The following KAZN variants were observed in gnomAD, a reference collection of about 807,000 sequenced individuals.
KAZN encodes the protein kazrin, periplakin interacting protein.
In KAZN, 40 loss-of-function variants were observed where a neutral mutation model predicts 87.4. The observed-to-expected ratio is 0.46, with a 90% CI of 0.36 to 0.60. The LOEUF is 0.60. KAZN is among the 20% of genes least tolerant of loss of function. The pLI, the probability that KAZN is intolerant of heterozygous loss-of-function variation, is 0.00. For missense variants in KAZN, 898 were observed against 1,073.9 expected, an observed-to-expected ratio of 0.84 and a Z score of 2.29; for synonymous variants, 466 against 458.3, an observed-to-expected ratio of 1.02 and a Z score of -0.22.
At chr1:14,208,512 A>T (rs1646788878) in intron 2 of KAZN, among the ~76,000 whole-genome samples, 1 of 152,254 alleles carries the variant, frequency 6.6e-6, no homozygotes, top group Non-Finnish European at 1.5e-5. Context: ...AAAAGCCGGT[A>T]GTCTCTACTC....
At chr1:13,989,523 G>A (rs538636917) in intron 1 of KAZN, among the ~76,000 whole-genome samples, 1 of 152,196 alleles carries the variant, frequency 6.6e-6, no homozygotes, top group Admixed American at 6.5e-5. Flanking sequence ...ATAGGCCAAT[G>A]CAGAAGTTAA....
chr1:14,619,475 C>T (rs901382592), intron 1 of KAZN, among the ~76,000 whole-genome samples: 1 of 152,156 alleles, frequency 6.6e-6, no homozygotes, highest in East Asian at 1.9e-4. Context: ...ACTGGGATTG[C>T]AGTTGTGTGC....
chr1:14,454,313 A>G (rs980313272), intron 2 of KAZN, among the ~76,000 whole-genome samples: 4 of 152,260 alleles, frequency 2.6e-5, no homozygotes, highest in African/African-American at 9.6e-5. Context: ...CACACATTCA[A>G]CACCATTTAG....
chr1:14,103,632 C>T (rs192054148), intron 1 of KAZN, among the ~76,000 whole-genome samples: 1 of 152,252 alleles, frequency 6.6e-6, no homozygotes, highest in East Asian at 1.9e-4. Context: ...TCTCACATTG[C>T]GCCTTTCCAG....
chr1:14,418,633 C>T (rs924193890), intron 2 of KAZN, among the ~76,000 whole-genome samples: 4 of 152,124 alleles, frequency 2.6e-5, no homozygotes, highest in African/African-American at 9.7e-5. Flanking sequence ...ATCTGATTTT[C>T]CTAGTCAGAG....
chr1:14,954,314 A>T (rs1662832242), intron 1 of KAZN, among the ~76,000 whole-genome samples: 1 of 152,258 alleles, frequency 6.6e-6, no homozygotes, highest in African/African-American at 2.4e-5. Context: ...CAGCGTCAGC[A>T]GAAAGGTACC....
intron 2 of KAZN, among the ~76,000 whole-genome samples, chr1:14,563,259 G>A (rs1674356700): frequency 1.3e-5 from 2 of 152,164 alleles, no homozygotes; most frequent in Admixed American, 1.3e-4. Flanking sequence ...GTAGCTCCTG[G>A]AGCTCTCCTT....
chr1:14,063,314 A>G (rs1012623212), intron 1 of KAZN, among the ~76,000 whole-genome samples: 1 of 152,206 alleles, frequency 6.6e-6, no homozygotes, highest in Non-Finnish European at 1.5e-5. Context: ...CCATAACTAG[A>G]AAGTAAGTAA....
chr1:14,280,365 C>T (rs1319012573), intron 2 of KAZN, among the ~76,000 whole-genome samples: 1 of 89,860 alleles, frequency 1.1e-5, no homozygotes, highest in Admixed American at 1.4e-4. Flanking sequence ...AGTGAGACTC[C>T]ATCTCAAAAA....
At chr1:14,251,271 C>A (rs1216327232) in intron 2 of KAZN, among the ~76,000 whole-genome samples, 1 of 152,198 alleles carries the variant, frequency 6.6e-6, no homozygotes. Flanking sequence ...CTCTTGTTCT[C>A]TTTAAAGATG....
chr1:14,267,835 C>T (rs1389542048), intron 2 of KAZN, among the ~76,000 whole-genome samples: 1 of 152,102 alleles, frequency 6.6e-6, no homozygotes, highest in Admixed American at 6.5e-5. Flanking sequence ...TGGTGCACAC[C>T]TGTAATCCCA....
At chr1:14,010,564 A>G (rs973671357) in intron 1 of KAZN, among the ~76,000 whole-genome samples, 1 of 152,208 alleles carries the variant, frequency 6.6e-6, no homozygotes, top group African/African-American at 2.4e-5. Context: ...CCTCTCCACC[A>G]TCTGCCCCAT....
At chr1:14,883,203 G>A (rs991768313) in intron 1 of KAZN, among the ~76,000 whole-genome samples, 4 of 151,390 alleles carry the variant, frequency 2.6e-5, no homozygotes, top group African/African-American at 4.9e-5. Context: ...GCTGAGGCAG[G>A]AGAATCACTT....
At chr1:14,561,212 G>A (rs1424269285) in intron 2 of KAZN, among the ~76,000 whole-genome samples, 1 of 152,190 alleles carries the variant, frequency 6.6e-6, no homozygotes, top group Non-Finnish European at 1.5e-5. Context: ...GGCTGAATCA[G>A]CTCATGGCTG....
At chr1:14,869,895 C>T (rs751167675) in intron 1 of KAZN, among the ~76,000 whole-genome samples, 3 of 152,210 alleles carry the variant, frequency 2.0e-5, no homozygotes, top group South Asian at 2.1e-4. Context: ...TGGGTTGTAC[C>T]GGTCTCCTGC....
At chr1:14,817,428 G>A (rs956868108) in intron 1 of KAZN, among the ~76,000 whole-genome samples, 2 of 152,132 alleles carry the variant, frequency 1.3e-5, no homozygotes, top group African/African-American at 2.4e-5. Flanking sequence ...CTGTCTTCCC[G>A]CTCCCCTCCC....
chr1:14,598,657 TAA>T, upstream of KAZN: 1 of 1,213,696 alleles, frequency 8.2e-7, no homozygotes, highest in Non-Finnish European at 1.0e-6. This position sits in a 1 kb window ranked among gnomAD's most constrained non-coding sequence, Gnocchi z 4.2. Flanking sequence ...AGGCTCCATT[TAA>T]AGAGTGCCTG....
At chr1:14,407,069 A>G (rs1663912925) in intron 2 of KAZN, among the ~76,000 whole-genome samples, 1 of 152,246 alleles carries the variant, frequency 6.6e-6, no homozygotes, top group South Asian at 2.1e-4. Context: ...CTTTATAAAA[A>G]TGGTAGCTTC....
chr1:14,082,919 G>C (rs1015650358), intron 1 of KAZN, among the ~76,000 whole-genome samples: 6 of 152,242 alleles, frequency 3.9e-5, no homozygotes, highest in African/African-American at 1.4e-4. Flanking sequence ...ACAAGGGCCA[G>C]GCGTGGTGGC....
Sources: allele counts gnomAD v4.1 joint callset (sites outside exome capture counted in the v4.1 genomes callset), GRCh38; gene constraint gnomAD v4.1.1; non-coding constraint Gnocchi (gnomAD v3.1); transcripts MANE v1.5; gene names NCBI Gene and HGNC (gene_info 2026-07-23, HGNC 2026-07-21).